The following GAREM1 variants were observed in gnomAD, a reference collection of about 807,000 sequenced individuals.
GAREM1 encodes GRB2 associated regulator of MAPK1 subtype 1, also known as GRB2-associated and regulator of MAPK protein 1.
GAREM1 carries 26 observed loss-of-function variants against 71.3 expected under a neutral mutation model. The ratio of observed to expected loss-of-function variants is 0.36; its 90% CI spans 0.27 to 0.51. GAREM1 has a LOEUF of 0.51. Among genes scored for constraint, GAREM1 ranks in the 20% least tolerant of loss-of-function variants. The probability of loss-of-function intolerance (pLI) is 0.95; values close to 1 mark genes in which losing one functional copy is unlikely to be tolerated. For missense variants in GAREM1, 1,026 were observed against 1,103.1 expected, an observed-to-expected ratio of 0.93 and a Z score of 0.99; for synonymous variants, 440 against 433.2, an observed-to-expected ratio of 1.02 and a Z score of -0.20.
intron 2 of GAREM1, among the ~76,000 whole-genome samples, chr18:32,370,657 T>G (rs1365996005): frequency 6.6e-6 from 1 of 152,168 alleles, no homozygotes; most frequent in Admixed American, 6.5e-5. Context: ...CCAAACTGAT[T>G]GAGCACAATT....
At chr18:32,363,389 A>G (rs1016829209) in intron 2 of GAREM1, among the ~76,000 whole-genome samples, 3 of 152,198 alleles carry the variant, frequency 2.0e-5, no homozygotes, top group African/African-American at 7.2e-5. Context: ...AATAAAATAA[A>G]TATGCTGTCA....
intron 3 of GAREM1, among the ~76,000 whole-genome samples, chr18:32,300,965 G>A (rs1045345961): frequency 2.0e-5 from 3 of 151,046 alleles, no homozygotes; most frequent in Admixed American, 1.3e-4. Context: ...GAAGTAAAAG[G>A]TCTTCATTTT....
At chr18:32,457,224 A>ATGTGTGTGTGTGTGT (rs1555648700) in intron 1 of GAREM1, among the ~76,000 whole-genome samples, 1 of 107,362 alleles carries the variant, frequency 9.3e-6, no homozygotes, top group African/African-American at 3.7e-5. Flanking sequence ...AGAGAGAGAG[A>ATGTGTGTGTGTGTGT]GAGTGTGTGT....
chr18:32,326,964 A>G (rs1465412445), intron 2 of GAREM1, among the ~76,000 whole-genome samples: 2 of 152,150 alleles, frequency 1.3e-5, no homozygotes, highest in African/African-American at 2.4e-5. Context: ...CTGGAGAGAA[A>G]AAGTACTTTT....
chr18:32,457,235 G>A (rs1407014761), intron 1 of GAREM1, among the ~76,000 whole-genome samples: 22 of 150,300 alleles, frequency 1.5e-4, no homozygotes, highest in Non-Finnish European at 2.2e-4. Flanking sequence ...GAGTGTGTGT[G>A]TGTGTGTGTG....
intron 2 of GAREM1, among the ~76,000 whole-genome samples, chr18:32,366,606 T>C (rs752664583): frequency 5.3e-5 from 8 of 152,206 alleles, no homozygotes; most frequent in Non-Finnish European, 1.0e-4. Context: ...ACTGCAACAA[T>C]GCACTTTTAA....
rs142266950 is a variant in GAREM1, at chr18:32,452,357, G to T, written c.121+17951C>A. ...GCCAGATGAGAAAAGTCAAATGTCA[G>T]TATATTGCGGCTCTTCAAAATCTGT... On this transcript the variant is annotated intron_variant, in intron 1 of 5. Coordinates refer to ENST00000269209, the MANE Select transcript of GAREM1 (RefSeq NM_001242409.2). 1.1e-3 allele frequency among the ~76,000 whole-genome samples: 174 copies of T among 152,288 alleles called. 2 individuals are homozygous for T. In the South Asian group the frequency reaches 0.023, roughly 21 times the overall value.
intron 2 of GAREM1, among the ~76,000 whole-genome samples, chr18:32,364,022 ATATATGTTTTTT>A (rs2047901212): frequency 1.2e-4 from 6 of 52,072 alleles, no homozygotes; most frequent in African/African-American, 8.7e-4. Flanking sequence ...ATATATATAT[ATATATGTTTTTT>A]TTTTTTTTTT....
chr18:32,266,147 G>A lies in GAREM1; in HGVS notation c.*1724C>T, dbSNP rs774733237. The A allele has an allele frequency of 2.0e-5, 3 of 151,932 alleles. No homozygotes were observed. Among genetic ancestry groups the A allele is most frequent in the Non-Finnish European group, 4.4e-5 (3 of 67,990 alleles). The allele number at this position is 151,932 out of a possible 1,614,324, so 9.4% of individuals were successfully genotyped here. ...AAATGCTTTTTTTTTTGATAAAGGA[G>A]ATCTAAGATGGAAAATTGGGTATCA... On this transcript the variant is annotated 3_prime_UTR_variant, in exon 6 of 6. Transcript: ENST00000269209.
intron 2 of GAREM1, among the ~76,000 whole-genome samples, chr18:32,344,435 C>T (rs1474477759): frequency 6.6e-6 from 1 of 152,140 alleles, no homozygotes; most frequent in Non-Finnish European, 1.5e-5. Context: ...TGTAAAGAAG[C>T]TCAACATGTT....
intron 2 of GAREM1, among the ~76,000 whole-genome samples, chr18:32,350,889 A>G (rs965590917): frequency 1.3e-5 from 2 of 152,214 alleles, no homozygotes; most frequent in African/African-American, 4.8e-5. Flanking sequence ...ACAAAATTTC[A>G]ATTTATTAGA....
intron 1 of GAREM1, among the ~76,000 whole-genome samples, chr18:32,423,532 G>C (rs1301247825): frequency 6.6e-6 from 1 of 152,136 alleles, no homozygotes; most frequent in Non-Finnish European, 1.5e-5. Context: ...GGTCTTATTT[G>C]ATTATGCAAT....
intron 1 of GAREM1, among the ~76,000 whole-genome samples, chr18:32,396,624 C>T (rs559141468): frequency 0.012 from 1,861 of 152,144 alleles, 20 homozygotes; most frequent in Non-Finnish European, 0.018. Context: ...TAAAAAGAAA[C>T]GAACAAAGCC....
At chr18:32,378,459 C>G (rs1037837749) in intron 2 of GAREM1, among the ~76,000 whole-genome samples, 1 of 149,628 alleles carries the variant, frequency 6.7e-6, no homozygotes, top group Non-Finnish European at 1.5e-5. Flanking sequence ...GAGATCACAC[C>G]ACTGCATTCC....
intron 2 of GAREM1, among the ~76,000 whole-genome samples, chr18:32,325,075 C>G (rs2047462462): frequency 6.6e-6 from 1 of 152,170 alleles, no homozygotes; most frequent in Non-Finnish European, 1.5e-5. Context: ...TCTCCTGCCT[C>G]AGCCTCCGGA....
At chr18:32,416,492 C>T (rs2048467857) in intron 1 of GAREM1, among the ~76,000 whole-genome samples, 1 of 152,080 alleles carries the variant, frequency 6.6e-6, no homozygotes, top group Non-Finnish European at 1.5e-5. Context: ...GCTACAGTAA[C>T]CAAAACAGCA....
intron 2 of GAREM1, among the ~76,000 whole-genome samples, chr18:32,379,290 T>C (rs891564054): frequency 2.0e-5 from 3 of 151,950 alleles, no homozygotes; most frequent in Admixed American, 6.6e-5. Context: ...TAGTAGATCT[T>C]CAATTATTCA....
At chr18:32,347,957 T>C (rs956458282) in intron 2 of GAREM1, among the ~76,000 whole-genome samples, 3 of 152,240 alleles carry the variant, frequency 2.0e-5, no homozygotes, top group African/African-American at 4.8e-5. Context: ...AAACACTGGT[T>C]GAGGCCTCCT....
At chr18:32,270,897 G>GTTTTTTTTTT (rs58914123) in intron 4 of GAREM1, among the ~76,000 whole-genome samples, 7 of 92,614 alleles carry the variant, frequency 7.6e-5, no homozygotes, top group East Asian at 3.4e-4. Context: ...GTTCAGGGAT[G>GTTTTTTTTTT]TTTTTTTTTT....
Sources: gnomAD v4.1 joint callset for allele counts (sites outside exome capture counted in the v4.1 genomes callset) on GRCh38, gnomAD v4.1.1 for gene constraint, MANE v1.5 for transcripts, NCBI Gene and HGNC (gene_info 2026-07-23, HGNC 2026-07-21) for gene names.